Variants in LRP5 observed in about 807,000 individuals in gnomAD.
LRP5 encodes the protein LDL receptor related protein 5, also known as low-density lipoprotein receptor-related protein 5.
LRP5 carries 62 observed loss-of-function variants against 154.1 expected under a neutral mutation model. That is an observed-to-expected ratio of 0.40 (90% CI 0.33 to 0.50). The LOEUF (loss-of-function observed/expected upper bound fraction) is 0.50. LRP5 is among the 20% of genes least tolerant of loss of function. The probability of loss-of-function intolerance (pLI) is 0.55; values close to 1 mark genes in which losing one functional copy is unlikely to be tolerated. For missense variants in LRP5, 1,915 were observed against 2,336.7 expected (o/e 0.82, Z 3.72); for synonymous variants, 966 against 1,011.5 (o/e 0.96, Z 0.85).
intron 17 of LRP5, among the ~76,000 whole-genome samples, chr11:68,430,696 G>A (rs1290765942): frequency 1.3e-5 from 2 of 152,088 alleles, no homozygotes; most frequent in African/African-American, 4.8e-5. Flanking sequence ...CAACTCTAAT[G>A]GTGGATTTGT....
In LRP5 at chr11:68,344,849, C is replaced by CTCTCT. The variant is rs1296907089; in HGVS notation, c.92-2997_92-2996insCTCTT. Reference sequence around the variant, plus strand: ...TTGTAGCATGTGTCAGAATCTCTCTCTTTTTTTTTTTTTTTTTTTTTTTTT... The same window carrying CTCTCT: ...TTGTAGCATGTGTCAGAATCTCTCTCTCTCTTTTTTTTTTTTTTTTTTTTTTTTTT... On this transcript the variant is annotated intron_variant, in intron 1 of 22. Transcript: ENST00000294304. Among the ~76,000 whole-genome samples, 85 of 65,616 alleles carry CTCTCT rather than the reference C, an allele frequency of 1.3e-3. 2 individuals are homozygous for CTCTCT. Among genetic ancestry groups the CTCTCT allele is most frequent in the African/African-American group, 4.9e-3 (80 of 16,250 alleles). 43.0% of individuals were successfully genotyped at this position (65,616 alleles called of 152,430 possible).
intron 1 of LRP5, among the ~76,000 whole-genome samples, chr11:68,330,071 C>CA (rs1269693468): frequency 6.6e-6 from 1 of 152,208 alleles, no homozygotes; most frequent in Non-Finnish European, 1.5e-5. Context: ...GTCCTGGGAT[C>CA]ACTGAGCTGG....
At chr11:68,417,431 T>C (rs1302510478) in intron 13 of LRP5, among the ~76,000 whole-genome samples, 1 of 145,398 alleles carries the variant, frequency 6.9e-6, no homozygotes, top group Non-Finnish European at 1.5e-5. Flanking sequence ...AATACATCAT[T>C]GCATTGGAAC....
At chr11:68,378,060 C>G (rs1250702251) in intron 5 of LRP5, among the ~76,000 whole-genome samples, 1 of 152,204 alleles carries the variant, frequency 6.6e-6, no homozygotes, top group Non-Finnish European at 1.5e-5. Flanking sequence ...GTGACATCCA[C>G]TCTGTCTGCA....
At chr11:68,444,286 G>C (rs1449892917) in intron 21 of LRP5, among the ~76,000 whole-genome samples, 2 of 152,078 alleles carry the variant, frequency 1.3e-5, no homozygotes, top group East Asian at 3.9e-4. Context: ...AGACCAAGGC[G>C]GGTGGATCAC....
In LRP5 at chr11:68,406,549, C is replaced by T. The variant is rs778446537; in HGVS notation, c.1827C>T (p.Asn609=). The part of the protein sequence containing the change: ...VVGTNPCADR[N]GGCSHLCFFT... Reference sequence around the variant, plus strand: ...GAACCAACCCGTGTGCGGACAGGAACGGGGGGTGCAGCCACCTGTGCTTCT... The same window carrying T: ...GAACCAACCCGTGTGCGGACAGGAATGGGGGGTGCAGCCACCTGTGCTTCT... Residue 609 remains asparagine, a synonymous_variant, in exon 9 of 23, where the codon AAC becomes AAT. Transcript: ENST00000294304. The T allele has an allele frequency of 4.6e-5, 75 of 1,614,000 alleles. No individual in the cohort carries two copies. The Middle Eastern group carries it at 6.6e-4, about 14-fold the overall frequency.
At chr11:68,318,409 C>T (rs555424608) in intron 1 of LRP5, among the ~76,000 whole-genome samples, 3 of 151,228 alleles carry the variant, frequency 2.0e-5, no homozygotes, top group South Asian at 2.1e-4. Context: ...ATTCAGTCAC[C>T]GCTTACTGCA....
chr11:68,407,272 G>A (rs1050362470), intron 9 of LRP5, among the ~76,000 whole-genome samples: 1 of 151,168 alleles, frequency 6.6e-6, no homozygotes, highest in Non-Finnish European at 1.5e-5. Context: ...AGGTTCAAGC[G>A]ATTCTTCTGC....
chr11:68,306,681 C>A, the LRP5 span, among the ~76,000 whole-genome samples: 7 of 152,312 alleles, frequency 4.6e-5, no homozygotes, highest in Non-Finnish European at 8.8e-5. Context: ...AATGTCAACT[C>A]CTTCATCTGC....
chr11:68,312,927 T>G (rs1292057295), intron 1 of LRP5, 122 bp downstream of exon 1: 2 of 399,808 alleles, frequency 5.0e-6, no homozygotes, highest in East Asian at 1.6e-4. Flanking sequence ...TGGGAGCGAG[T>G]TGGGGCGCGC....
Position 68,449,165 on chromosome 11 carries a change from ATAATT to A in LRP5, c.*96_*100del. ...ATATTTTATGATTTAAAAAATAAAT[ATAATT>A]GGGATTTTAAAAACATGAGAAATGT... On this transcript the variant is annotated 3_prime_UTR_variant, in exon 23 of 23. Coordinates refer to ENST00000294304, the MANE Select transcript of LRP5 (RefSeq NM_002335.4). The A allele has an allele frequency of 2.8e-6, 3 of 1,074,072 alleles. No homozygotes were observed. In the South Asian group the frequency reaches 6.5e-5, roughly 23 times the overall value. The allele number at this position is 1,074,072 out of a possible 1,614,324, so 66.5% of individuals were successfully genotyped here.
chr11:68,382,272 C>G (rs1281486824), intron 5 of LRP5, among the ~76,000 whole-genome samples: 1 of 152,196 alleles, frequency 6.6e-6, no homozygotes, highest in Non-Finnish European at 1.5e-5. Flanking sequence ...TAGAGGCCCT[C>G]TGCTGACCTA....
intron 9 of LRP5, 31 bp from the exon 10 acceptor site, chr11:68,409,883 T>C: frequency 1.3e-6 from 2 of 1,488,364 alleles, no homozygotes; most frequent in Non-Finnish European, 1.9e-6. Flanking sequence ...GTTCCTAAAA[T>C]GTGGCCCTTT....
At chr11:68,360,853 C>T (rs898653859) in intron 3 of LRP5, among the ~76,000 whole-genome samples, 4 of 150,726 alleles carry the variant, frequency 2.7e-5, no homozygotes, top group Admixed American at 6.6e-5. Flanking sequence ...AAACATTAGC[C>T]AGGTGTGGTG....
At position 68,420,652 on chromosome 11, in the gene LRP5, C is replaced by T. The variant is rs552222563; in HGVS notation, c.3028-2837C>T. ...CCGGGAGGCAGAGGTTGCAGTGAACCAAGATTGTGCCTCTGCAGTCCAGCC... is the reference window on the plus strand; with the variant it reads ...CCGGGAGGCAGAGGTTGCAGTGAACTAAGATTGTGCCTCTGCAGTCCAGCC... On this transcript the variant is annotated intron_variant, in intron 13 of 22. Coordinates refer to ENST00000294304, the MANE Select transcript of LRP5 (RefSeq NM_002335.4). Among the ~76,000 whole-genome samples, 30 of 151,356 alleles carry T rather than the reference C, an allele frequency of 2.0e-4. No homozygotes were observed. In the South Asian group the frequency reaches 6.3e-3, roughly 32 times the overall value.
At position 68,353,385 on chromosome 11, in the gene LRP5, A is replaced by G. The variant is rs528483265; in HGVS notation, c.489-4265A>G. Among the ~76,000 whole-genome samples the G allele has an allele frequency of 2.6e-5, 4 of 152,294 alleles. No individual in the cohort carries two copies. The East Asian group carries it at 5.8e-4, about 22-fold the overall frequency. ...TCCAGTGATGCTGATGACGCCAGCC[A>G]TGGTCCTACCCTGAGGTGCTGACTC... On this transcript the variant is annotated intron_variant, in intron 2 of 22. Transcript: ENST00000294304. The surrounding 1 kb of genome is among the most constrained non-coding windows in gnomAD (Gnocchi z 4.5).
At chr11:68,325,226 T>G (rs2153115911) in intron 1 of LRP5, among the ~76,000 whole-genome samples, 1 of 152,270 alleles carries the variant, frequency 6.6e-6, no homozygotes, top group Non-Finnish European at 1.5e-5. Flanking sequence ...GTGTTTCAGG[T>G]GAGAAACAGG....
At chr11:68,379,857 C>T (rs55873510) in intron 5 of LRP5, among the ~76,000 whole-genome samples, 423 of 152,286 alleles carry the variant, frequency 2.8e-3, no homozygotes, top group African/African-American at 8.7e-3. Flanking sequence ...CATGGCTGGG[C>T]GTGGTGGCTC....
At chr11:68,362,195 G>A (rs370149992) in intron 3 of LRP5, among the ~76,000 whole-genome samples, 19 of 152,248 alleles carry the variant, frequency 1.2e-4, no homozygotes, top group African/African-American at 3.1e-4. Context: ...TTGTGATTCC[G>A]TTTATATGAG....
Sources: allele counts gnomAD v4.1 joint callset (sites outside exome capture counted in the v4.1 genomes callset), GRCh38; gene constraint gnomAD v4.1.1; non-coding constraint Gnocchi (gnomAD v3.1); transcripts MANE v1.5; gene names NCBI Gene and HGNC (gene_info 2026-07-23, HGNC 2026-07-21).